CBY3: variants seen among roughly 807,000 people sequenced by gnomAD.
CBY3 encodes sperm annulus positioning complex subunit Chibby3.
Under a neutral mutation model 3.0 loss-of-function variants are expected in CBY3, and 7 were observed. The ratio of observed to expected loss-of-function variants is 2.32; its 90% CI spans 1.32 to 4.35. The LOEUF is 4.35. CBY3 is among the 30% of genes most tolerant of loss of function. The pLI is 0.00. For missense variants in CBY3, 400 were observed against 336.4 expected, an observed-to-expected ratio of 1.19 and a Z score of -1.48; for synonymous variants, 170 against 154.5, an observed-to-expected ratio of 1.10 and a Z score of -0.74.
chr5:179,679,305 A>AG, intron 1 of CBY3, 40 bp from the exon 2 acceptor site: 1 of 1,450,182 alleles, frequency 6.9e-7, no homozygotes, highest in East Asian at 2.5e-5. Context: ...TGCTTGGTAC[A>AG]GGCCGCCTCT....
intron 1 of CBY3, among the ~76,000 whole-genome samples, chr5:179,680,474 T>A (rs563955647): frequency 3.3e-5 from 5 of 152,232 alleles, no homozygotes; most frequent in Admixed American, 3.3e-4. Flanking sequence ...TAATCCAGCT[T>A]GGAAGACAGA....
Position 179,678,576 on chromosome 5 carries a change from T to C in CBY3, c.*7A>G, listed in dbSNP as rs1214990295. ...AGGCGCGCATGCGTAGCGCGGCCTTTATTGCGTCACTGCGAGTCCAGAGCG... is the reference window on the plus strand; with the variant it reads ...AGGCGCGCATGCGTAGCGCGGCCTTCATTGCGTCACTGCGAGTCCAGAGCG... On this transcript the variant is annotated 3_prime_UTR_variant, in exon 2 of 2. Coordinates refer to ENST00000376974, the MANE Select transcript of CBY3 (RefSeq NM_001164444.2). The C allele has an allele frequency of 1.3e-6, 2 of 1,489,922 alleles. No individual in the cohort carries two copies. Among genetic ancestry groups the C allele is most frequent in the East Asian group, 2.5e-5 (1 of 40,068 alleles). 92.3% of individuals were successfully genotyped at this position (1,489,922 alleles called of 1,614,324 possible).
chr5:179,680,846 G>C (rs1370596885), intron 1 of CBY3, 27 bp downstream of exon 1: 1 of 1,527,054 alleles, frequency 6.5e-7, no homozygotes, highest in Admixed American at 2.0e-5. Flanking sequence ...CTCACATATA[G>C]GTGGACAGAG....
In CBY3 at chr5:179,680,873, C is replaced by T. The variant is rs896453777; in HGVS notation, c.46G>A (p.Ala16Thr). 2.6e-6 allele frequency: 4 copies of T among 1,536,490 alleles called. No homozygotes were observed. Among genetic ancestry groups the T allele is most frequent in the Middle Eastern group, 1.7e-4 (1 of 5,928 alleles). Residue 16 changes from alanine (A) to threonine (T), a missense_variant and splice_region_variant, in exon 1 of 2, where the codon GCA becomes ACA. Transcript: ENST00000376974. The part of the protein sequence containing the change: ...DHLPEPDLGD[A>T]APPGSPSSFW... ...TGGACAGAGGCTGGATGGTACATAC[C>T]ATCCCCAAGATCTGGTTCAGGGAGA...
At position 179,678,776 on chromosome 5, in the gene CBY3, A is replaced by T. The variant is rs1775969738; in HGVS notation, c.536T>A (p.Leu179Gln). The change falls in exon 2 of 2, where the codon CTG (leucine) becomes CAG (glutamine). Residue 179 changes from leucine to glutamine, a missense_variant. By Grantham distance (113) the Leu-to-Gln change is moderately radical (BLOSUM62 -2). Coordinates refer to ENST00000376974, the MANE Select transcript of CBY3 (RefSeq NM_001164444.2). Reference protein sequence around the residue: ...SQVLLEENNYLKLQQELLIDM... With the variant: ...SQVLLEENNYQKLQQELLIDM... ...TATGAGCAGTTCCTGCTGCAGCTTC[A>T]GGTAGTTGTTCTCCTCCAGCAACAC... 1 of 1,537,038 alleles carries T rather than the reference A, an allele frequency of 6.5e-7. No individual in the cohort carries two copies. The highest frequency in any genetic ancestry group is 1.7e-4 in the Middle Eastern group (1 of 5,990).
chr5:179,679,416 A>G (rs1011961188), intron 1 of CBY3, 151 bp from the exon 2 acceptor site: 7 of 647,774 alleles, frequency 1.1e-5, no homozygotes, highest in Non-Finnish European at 1.6e-5. Flanking sequence ...TCCACGCTGC[A>G]CAGGCAGCAG....
rs751468879 is a variant in CBY3, at chr5:179,678,998, T to TA, written c.313dup (p.Tyr105LeufsTer38). 1 of 1,535,726 alleles carries TA rather than the reference T, an allele frequency of 6.5e-7. No homozygotes were observed. The highest frequency in any genetic ancestry group is 1.2e-5 in the South Asian group (1 of 83,974). ...CTGGCGCGTGTTGTGGTCCAGCAGGTAGAAGGTGGACAGGGAGGGCATGCG... is the reference window on the plus strand; with the variant it reads ...CTGGCGCGTGTTGTGGTCCAGCAGGTAAGAAGGTGGACAGGGAGGGCATGCG... On this transcript the variant is annotated frameshift_variant, in exon 2 of 2. Transcript: ENST00000376974. LOFTEE classifies it low-confidence loss of function (END_TRUNC).
intron 1 of CBY3, among the ~76,000 whole-genome samples, chr5:179,680,654 C>T (rs1776040070): frequency 6.6e-6 from 1 of 152,060 alleles, no homozygotes; most frequent in Admixed American, 6.6e-5. Context: ...ACAGACAAGT[C>T]CCATTTTGCT....
Position 179,678,773 on chromosome 5 carries a change from T to G in CBY3, c.539A>C (p.Lys180Thr), listed in dbSNP as rs1212074801. ...QVLLEENNYL[K>T]LQQELLIDML... ...GTCTATGAGCAGTTCCTGCTGCAGC[T>G]TCAGGTAGTTGTTCTCCTCCAGCAA... Residue 180 changes from lysine to threonine, a missense_variant, in exon 2 of 2, where the codon AAG becomes ACG. Coordinates refer to ENST00000376974, the MANE Select transcript of CBY3 (RefSeq NM_001164444.2). 5 of 1,536,942 alleles carry G rather than the reference T, an allele frequency of 3.3e-6. No individual in the cohort carries two copies. In the African/African-American group the frequency reaches 6.8e-5, roughly 21 times the overall value.
chr5:179,679,283 G>A lies in CBY3; in HGVS notation c.47-18C>T. On this transcript the variant is annotated intron_variant, in intron 1 of 1. Transcript: ENST00000376974. ...GGGCGCTGCTGGGAGACAAGAGTCC[G>A]GGTGAGCAGCGTGCTTGGTACAGGC... 6.6e-7 allele frequency: 1 copy of A among 1,506,936 alleles called. No homozygotes were observed. The highest frequency in any genetic ancestry group is 2.1e-5 in the Admixed American group (1 of 48,084). 93.3% of individuals were successfully genotyped at this position (1,506,936 alleles called of 1,614,324 possible). A position where few individuals can be genotyped will look rare whatever the true frequency, so the allele number is the denominator to read the frequency against.
At chr5:179,680,756 G>T in intron 1 of CBY3, 117 bp downstream of exon 1, 2 of 718,062 alleles carry the variant, frequency 2.8e-6, no homozygotes, top group Non-Finnish European at 4.6e-6. Context: ...TTCCTCTTCT[G>T]CCCATGGGCA....
Position 179,679,162 on chromosome 5 carries a change from G to T in CBY3, c.150C>A (p.Cys50Ter). ...QRSRGSPSST[C>*]VPYKVHALAT... Reference sequence around the variant, plus strand: ...CCAGGGCGTGGACCTTGTAGGGCACGCAGGTGCTCGAAGGGGAGCCTCGGG... The same window carrying T: ...CCAGGGCGTGGACCTTGTAGGGCACTCAGGTGCTCGAAGGGGAGCCTCGGG... The change falls in exon 2 of 2, where the codon TGC (cysteine) becomes TGA (stop). Residue 50 changes from cysteine (C) to a stop codon, truncating the protein, a stop_gained. Coordinates refer to ENST00000376974, the MANE Select transcript of CBY3 (RefSeq NM_001164444.2). LOFTEE classifies it low-confidence loss of function (END_TRUNC). 1 of 1,535,406 alleles carries T rather than the reference G, an allele frequency of 6.5e-7. No individual in the cohort carries two copies.
rs975006182 is a variant in CBY3 at position 179,678,686 on chromosome 5, A to T, written c.626T>A (p.Ile209Asn). 7 of 1,536,142 alleles carry T rather than the reference A, an allele frequency of 4.6e-6. No individual in the cohort carries two copies. In the South Asian group the frequency reaches 8.3e-5, roughly 18 times the overall value. ...LLEKQRNPEVIPTAAARAGQR... is the reference protein window; with the variant it reads ...LLEKQRNPEVNPTAAARAGQR... ...CCCGGCGCGCGCCGCAGCCGTCGGG[A>T]TCACCTCGGGGTTGCGCTGCTTCTC... Residue 209 changes from isoleucine to asparagine, a missense_variant, in exon 2 of 2, where the codon ATC (isoleucine) becomes AAC (asparagine). Coordinates refer to ENST00000376974, the MANE Select transcript of CBY3 (RefSeq NM_001164444.2).
Position 179,680,948 on chromosome 5 carries a change from C to A in CBY3, c.-30G>T. Reference sequence around the variant, plus strand: ...GCCCACCCTTGAGATTGTATCTTCTCGGAGGATGTTTCCCCGTTAGTCCTC... The same window carrying A: ...GCCCACCCTTGAGATTGTATCTTCTAGGAGGATGTTTCCCCGTTAGTCCTC... On this transcript the variant is annotated 5_prime_UTR_variant, in exon 1 of 2. Transcript: ENST00000376974. 1.3e-6 allele frequency: 2 copies of A among 1,531,870 alleles called. No homozygotes were observed. The highest frequency in any genetic ancestry group is 1.2e-5 in the South Asian group (1 of 83,918). 94.9% of individuals were successfully genotyped at this position (1,531,870 alleles called of 1,614,324 possible).
chr5:179,678,619 C>CACGCCCGCGCTG lies in CBY3; in HGVS notation c.681_692dup (p.Ser228_Val231dup). 2.0e-6 allele frequency: 3 copies of CACGCCCGCGCTG among 1,531,186 alleles called. No individual in the cohort carries two copies. The highest frequency in any genetic ancestry group is 2.6e-6 in the Non-Finnish European group (3 of 1,143,152). 94.8% of individuals were successfully genotyped at this position (1,531,186 alleles called of 1,614,324 possible). On this transcript the variant is annotated inframe_insertion, in exon 2 of 2. Transcript: ENST00000376974. ...CCAGAGCGCACGGCTGGATCATGAG[C>CACGCCCGCGCTG]ACGCCCGCGCTGGCGCCTGCGCGCT... is the stretch of plus-strand genomic sequence containing the variant.
At position 179,678,690 on chromosome 5, in the gene CBY3, C is replaced by T. The variant is rs765055756; in HGVS notation, c.622G>A (p.Val208Met). The change falls in exon 2 of 2, where the codon GTG (valine) becomes ATG (methionine). Residue 208 changes from valine (V) to methionine (M), a missense_variant. Transcript: ENST00000376974. ...HLLEKQRNPE[V>M]IPTAAARAGQ... ...GCGCGCGCCGCAGCCGTCGGGATCA[C>T]CTCGGGGTTGCGCTGCTTCTCCAGC... 4.8e-5 allele frequency: 73 copies of T among 1,536,698 alleles called. No individual in the cohort carries two copies. The highest frequency in any genetic ancestry group is 3.7e-5 in the Non-Finnish European group (42 of 1,146,686).
intron 1 of CBY3, 137 bp downstream of exon 1, chr5:179,680,736 T>G: frequency 1.6e-6 from 1 of 618,906 alleles, no homozygotes; most frequent in Non-Finnish European, 2.8e-6. Flanking sequence ...GAGCTATGTG[T>G]TGTTTCTAAT....
rs1028887613 is a variant in CBY3 at position 179,679,178 on chromosome 5, G to A, written c.134C>T (p.Ser45Phe). 6.5e-7 allele frequency: 1 copy of A among 1,535,140 alleles called. No individual in the cohort carries two copies. The highest frequency in any genetic ancestry group is 8.7e-7 in the Non-Finnish European group (1 of 1,146,838). The change falls in exon 2 of 2, where the codon TCC becomes TTC. Residue 45 changes from serine (S) to phenylalanine (F), a missense_variant. By Grantham distance (155) the Ser-to-Phe change is radical (BLOSUM62 -2). Transcript: ENST00000376974. Reference sequence around the variant, plus strand: ...GTAGGGCACGCAGGTGCTCGAAGGGGAGCCTCGGGAGCGCTGGCGACTCGT... The same window carrying A: ...GTAGGGCACGCAGGTGCTCGAAGGGAAGCCTCGGGAGCGCTGGCGACTCGT... Reference protein sequence around the residue: ...RSTSRQRSRGSPSSTCVPYKV... With the variant: ...RSTSRQRSRGFPSSTCVPYKV...
chr5:179,678,636 C>A lies in CBY3; in HGVS notation c.676G>T (p.Gly226Cys). ...AGQRKMRKRA[G>C]ASAGVLMIQP... is the part of the protein sequence containing the mutation. ...ATCATGAGCACGCCCGCGCTGGCGC[C>A]TGCGCGCTTGCGCATCTTCCTCTGC... is the stretch of plus-strand genomic sequence containing the variant. The change falls in exon 2 of 2, where the codon GGC becomes TGC. Residue 226 changes from glycine (G) to cysteine (C), a missense_variant. Physicochemically the swap from Gly to Cys is radical, Grantham distance 159. Transcript: ENST00000376974. 1 of 1,533,446 alleles carries A rather than the reference C, an allele frequency of 6.5e-7. No individual in the cohort carries two copies. Among genetic ancestry groups the A allele is most frequent in the Non-Finnish European group, 8.7e-7 (1 of 1,144,504 alleles). The allele number at this position is 1,533,446 out of a possible 1,614,324, so 95.0% of individuals were successfully genotyped here. A position where few individuals can be genotyped will look rare whatever the true frequency, so the allele number is the denominator to read the frequency against.
Sources: gnomAD v4.1 joint callset for allele counts (sites outside exome capture counted in the v4.1 genomes callset) on GRCh38, gnomAD v4.1.1 for gene constraint, MANE v1.5 for transcripts, NCBI Gene and HGNC (gene_info 2026-07-23, HGNC 2026-07-21) for gene names.